RAP1GAP: variants seen among roughly 807,000 people sequenced by gnomAD.
RAP1GAP encodes RAP1 GTPase activating protein.
RAP1GAP carries 35 observed loss-of-function variants against 87.2 expected under a neutral mutation model. The ratio of observed to expected loss-of-function variants is 0.40; its 90% CI spans 0.31 to 0.53. The LOEUF is 0.53. Among genes scored for constraint, RAP1GAP ranks in the 20% least tolerant of loss-of-function variants. The pLI, the probability that RAP1GAP is intolerant of heterozygous loss-of-function variation, is 0.48. For synonymous variants in RAP1GAP, 375 were observed against 363.9 expected (o/e 1.03, Z -0.35); for missense variants, 734 against 898.9 (o/e 0.82, Z 2.35).
chr1:21,619,099 C>A, intron 4 of RAP1GAP, 27 bp from the exon 5 acceptor site: 11 of 1,579,182 alleles, frequency 7.0e-6, no homozygotes, highest in Non-Finnish European at 9.5e-6. Flanking sequence ...CACTGTTACA[C>A]CCTCCCAGGC....
chr1:21,652,977 GAGGA>G (rs1430798381), intron 1 of RAP1GAP, among the ~76,000 whole-genome samples: 2 of 152,202 alleles, frequency 1.3e-5, no homozygotes, highest in East Asian at 1.9e-4. Flanking sequence ...GGGGATGAGG[GAGGA>G]AGGATGACCA....
intron 2 of RAP1GAP, among the ~76,000 whole-genome samples, chr1:21,629,984 G>A (rs77897279): frequency 1.6e-3 from 244 of 152,318 alleles, no homozygotes; most frequent in African/African-American, 5.6e-3. Flanking sequence ...CTCAAGTCAA[G>A]TCGGAAAGGT....
At chr1:21,660,349 T>TATATATATATATATATATATA (rs1257256841) in intron 1 of RAP1GAP, among the ~76,000 whole-genome samples, 14 of 64,338 alleles carry the variant, frequency 2.2e-4, no homozygotes, top group South Asian at 1.1e-3. Flanking sequence ...CTATATATAT[T>TATATATATATATATATATATA]TATTGAGACA....
chr1:21,641,214 C>T (rs978232955), intron 2 of RAP1GAP, among the ~76,000 whole-genome samples: 1 of 152,064 alleles, frequency 6.6e-6, no homozygotes, highest in African/African-American at 2.4e-5. Context: ...AGCCACCACA[C>T]CTGACTGGGG....
At chr1:21,663,782 T>C (rs557220731) in intron 1 of RAP1GAP, among the ~76,000 whole-genome samples, 31 of 152,304 alleles carry the variant, frequency 2.0e-4, no homozygotes, top group South Asian at 6.2e-4. Context: ...ATGGCTCCCG[T>C]GGCCTTGAGA....
At position 21,603,320 on chromosome 1, in the gene RAP1GAP, C is replaced by A. The variant is rs1057035306; in HGVS notation, c.1429-407G>T. The A allele has an allele frequency of 2.0e-5, 8 of 393,956 alleles. No homozygotes were observed. Among genetic ancestry groups the A allele is most frequent in the Admixed American group, 4.2e-5 (1 of 23,888 alleles). 24.4% of individuals were successfully genotyped at this position (393,956 alleles called of 1,614,324 possible). A position where few individuals can be genotyped will look rare whatever the true frequency, so the allele number is the denominator to read the frequency against. On this transcript the variant is annotated intron_variant, in intron 18 of 24. Coordinates refer to ENST00000374765, the MANE Select transcript of RAP1GAP (RefSeq NM_002885.4). The surrounding 1 kb of genome is among the most constrained non-coding windows in gnomAD (Gnocchi z 6.0). ...CCCCGTGCCAGCTAGGGCCCCTCCC[C>A]GGAACCTCCAAATTGGCTGGGGGAG... is the stretch of plus-strand genomic sequence containing the variant.
At chr1:21,599,380 C>A (rs753800399) in intron 21 of RAP1GAP, 114 bp downstream of exon 21, 1 of 1,455,054 alleles carries the variant, frequency 6.9e-7, no homozygotes, top group Non-Finnish European at 9.2e-7. Flanking sequence ...GGCCGGGTCC[C>A]CTGATCACAT....
At position 21,669,047 on chromosome 1, in the gene RAP1GAP, C is replaced by G. The variant is rs1385297429; in HGVS notation, c.-149+207G>C. Among the ~76,000 whole-genome samples, 1 of 151,956 alleles carries G rather than the reference C, an allele frequency of 6.6e-6. No individual in the cohort carries two copies. The highest frequency in any genetic ancestry group is 1.5e-5 in the Non-Finnish European group (1 of 67,908). On this transcript the variant is annotated intron_variant, in intron 1 of 24. Coordinates refer to ENST00000374765, the MANE Select transcript of RAP1GAP (RefSeq NM_002885.4). The surrounding 1 kb of genome is among the most constrained non-coding windows in gnomAD (Gnocchi z 5.6). ...CAGCCGGCTCAGTCCAGGCCTCCCC[C>G]CACTTCTCCAGCTGCTGTCAAGACC...
At chr1:21,619,132 C>T (rs1475038472) in intron 4 of RAP1GAP, 60 bp from the exon 5 acceptor site, 2 of 1,517,586 alleles carry the variant, frequency 1.3e-6, no homozygotes, top group Non-Finnish European at 1.8e-6. Context: ...GCTGCCTCCC[C>T]TCCCCAAGGC....
At chr1:21,651,965 T>A in intron 1 of RAP1GAP, 1 of 662,644 alleles carries the variant, frequency 1.5e-6, no homozygotes, top group Non-Finnish European at 1.9e-6. Context: ...GCGGTCCAGC[T>A]GCCGGGGGCC....
intron 17 of RAP1GAP, 139 bp downstream of exon 17, chr1:21,608,074 C>T: frequency 7.7e-7 from 1 of 1,306,736 alleles, no homozygotes; most frequent in Non-Finnish European, 1.0e-6. Flanking sequence ...TCCCCCAGTC[C>T]GGGACTCCAC....
chr1:21,645,963 G>A (rs1163535535), intron 2 of RAP1GAP, among the ~76,000 whole-genome samples: 1 of 152,202 alleles, frequency 6.6e-6, no homozygotes. Context: ...CTAAAGGCAT[G>A]GGCTCAGAGT....
At chr1:21,604,449 G>C (rs896766659) in intron 18 of RAP1GAP, among the ~76,000 whole-genome samples, 1 of 152,130 alleles carries the variant, frequency 6.6e-6, no homozygotes, top group Non-Finnish European at 1.5e-5. Context: ...CAAGGAGAGA[G>C]AGTAGAATGA....
At chr1:21,602,369 G>A (rs965485613) in intron 19 of RAP1GAP, among the ~76,000 whole-genome samples, 2 of 152,194 alleles carry the variant, frequency 1.3e-5, no homozygotes, top group Non-Finnish European at 2.9e-5. Context: ...TCTGATGTCC[G>A]GGGGCAGCCC....
intron 10 of RAP1GAP, 91 bp from the exon 11 acceptor site, chr1:21,612,200 C>A: frequency 1.1e-6 from 1 of 946,688 alleles, no homozygotes; most frequent in South Asian, 1.4e-5. Flanking sequence ...GCCAGGCGCT[C>A]TACACACGTC....
chr1:21,609,738 C>A lies in RAP1GAP; in HGVS notation c.1000-92G>T. 1.0e-6 allele frequency: 1 copy of A among 976,158 alleles called. No individual in the cohort carries two copies. The highest frequency in any genetic ancestry group is 1.5e-6 in the Non-Finnish European group (1 of 678,324). 60.5% of individuals were successfully genotyped at this position (976,158 alleles called of 1,614,324 possible). On this transcript the variant is annotated intron_variant, in intron 14 of 24. Coordinates refer to ENST00000374765, the MANE Select transcript of RAP1GAP (RefSeq NM_002885.4). This position sits in a 1 kb window ranked among gnomAD's most constrained non-coding sequence, Gnocchi z 4.4. Reference sequence around the variant, plus strand: ...ACCCCTACTGTGCCTCCCTGGACTGCCCCTTGGTCGGGGAGACCCAGTGAC... The same window carrying A: ...ACCCCTACTGTGCCTCCCTGGACTGACCCTTGGTCGGGGAGACCCAGTGAC...
chr1:21,619,107 G>C (rs1339278703), intron 4 of RAP1GAP, 35 bp from the exon 5 acceptor site: 7 of 1,571,390 alleles, frequency 4.5e-6, no homozygotes, highest in African/African-American at 1.4e-5. Context: ...CACCCTCCCA[G>C]GCCTGCCGCC....
At chr1:21,663,241 T>C (rs1448700302) in intron 1 of RAP1GAP, among the ~76,000 whole-genome samples, 2 of 152,202 alleles carry the variant, frequency 1.3e-5, no homozygotes, top group Admixed American at 6.5e-5. Flanking sequence ...GGCAACCCTC[T>C]ATCCCTGGCA....
rs1239491226 is a variant in RAP1GAP, at chr1:21,597,961, C to T, written c.1983G>A (p.Leu661=). The T allele has an allele frequency of 1.9e-6, 3 of 1,565,674 alleles. No homozygotes were observed. Among genetic ancestry groups the T allele is most frequent in the Non-Finnish European group, 2.6e-6 (3 of 1,155,982 alleles). ...LEASEQHMPQ[L]GC ...ACCAGCCCCAGGAGGCTGCACGTAC[C>T]AGCTGGGGCATGTGCTGCTCAGATG... Residue 661 remains leucine, a splice_region_variant and synonymous_variant, in exon 23 of 25, where the codon CTG becomes CTA. Transcript: ENST00000374765.
Sources: allele counts gnomAD v4.1 joint callset (sites outside exome capture counted in the v4.1 genomes callset), GRCh38; gene constraint gnomAD v4.1.1; non-coding constraint Gnocchi (gnomAD v3.1); transcripts MANE v1.5; gene names NCBI Gene and HGNC (gene_info 2026-07-23, HGNC 2026-07-21).